Variants in MED24 observed in about 807,000 individuals in gnomAD.
The protein encoded by MED24 is mediator of RNA polymerase II transcription subunit 24.
In MED24, 74 loss-of-function variants were observed where a neutral mutation model predicts 118.8. The observed-to-expected ratio is 0.62, with a 90% CI of 0.52 to 0.76. MED24 has a LOEUF of 0.76. Ranked by LOEUF, MED24 falls within the 30% of genes least tolerant of loss-of-function variation. MED24 has a pLI of 0.00. For missense variants in MED24, 1,041 were observed against 1,278.9 expected (o/e 0.81, Z 2.84); for synonymous variants, 521 against 523.9 (o/e 0.99, Z 0.08).
At chr17:40,036,025 C>A (rs906436979) in intron 4 of MED24, 91 bp downstream of exon 4, 4 of 1,421,446 alleles carry the variant, frequency 2.8e-6, no homozygotes, top group Non-Finnish European at 4.0e-6. Context: ...TGCTGCCTAT[C>A]CAGCCTCACG....
Position 40,019,564 on chromosome 17 carries a change from G to A in MED24, c.2935C>T (p.Arg979Cys), listed in dbSNP as rs750745906. ...GCAATGGCTTTAGCAGCCACCTGGC[G>A]GCCCAGGGGCAGGCTGAGGTCCGTG... ...AITDLSLPLGRQVAAKAIAAL is the reference protein window; with the variant it reads ...AITDLSLPLGCQVAAKAIAAL The change falls in exon 26 of 26, where the codon CGC becomes TGC. Residue 979 changes from arginine to cysteine, a missense_variant. By Grantham distance (180) the Arg-to-Cys change is radical. Around this residue, in one of 3 missense-constraint regions of MED24, gnomAD observed 587 missense variants for 694.4 expected, o/e 0.85. Transcript: ENST00000394128. 1.1e-5 allele frequency: 17 copies of A among 1,612,486 alleles called. No homozygotes were observed. Among genetic ancestry groups the A allele is most frequent in the Admixed American group, 3.3e-5 (2 of 59,934 alleles).
At chr17:40,048,538 G>C (rs187369225) in intron 3 of MED24, among the ~76,000 whole-genome samples, 1 of 152,130 alleles carries the variant, frequency 6.6e-6, no homozygotes, top group East Asian at 1.9e-4. Context: ...GCAACAAAGA[G>C]ACCAGTTAAT....
In MED24 at chr17:40,026,916, T is replaced by C. The variant is rs767673387; in HGVS notation, c.1649A>G (p.Asp550Gly). The change falls in exon 17 of 26, where the codon GAC (aspartate) becomes GGC (glycine). Residue 550 changes from aspartate to glycine, a missense_variant. Physicochemically the swap from Asp to Gly is moderately conservative, Grantham distance 94. Coordinates refer to ENST00000394128, the MANE Select transcript of MED24 (RefSeq NM_014815.4). ...LNPDHPCFRP[D>G]STKVESLVAL... ...CACCAGGGACTCCACTTTGGTGGAG[T>C]CGGGGCGGAAGCAGGGGTGGTCAGG... 5.0e-6 allele frequency: 8 copies of C among 1,613,756 alleles called. No homozygotes were observed. The Admixed American group carries it at 1.3e-4, about 27-fold the overall frequency.
chr17:40,038,047 A>G (rs939386072), intron 3 of MED24, among the ~76,000 whole-genome samples: 1 of 152,254 alleles, frequency 6.6e-6, no homozygotes, highest in Non-Finnish European at 1.5e-5. Context: ...GTATACAATG[A>G]GAATCTCTAA....
intron 18 of MED24, 137 bp from the exon 19 acceptor site, chr17:40,026,468 G>A: frequency 1.6e-6 from 2 of 1,227,388 alleles, no homozygotes. Context: ...CCACAAGTTT[G>A]ATCTTCCCAG....
chr17:40,025,259 T>A lies in MED24; in HGVS notation c.1985+897A>T, dbSNP rs150349131. ...ACTTTGGGAGACCACGGTGAGAGGA[T>A]CACTCAAGGCCAGGAGTTCAAGACC... On this transcript the variant is annotated intron_variant, in intron 19 of 25. Coordinates refer to ENST00000394128, the MANE Select transcript of MED24 (RefSeq NM_014815.4). Among the ~76,000 whole-genome samples, 251 of 152,176 alleles carry A rather than the reference T, an allele frequency of 1.6e-3. 2 individuals carry two copies. The highest frequency in any genetic ancestry group is 3.4e-3 in the Middle Eastern group (1 of 294).
intron 13 of MED24, 125 bp downstream of exon 13, chr17:40,029,623 A>G (rs545446551): frequency 1.1e-6 from 1 of 894,456 alleles, no homozygotes; most frequent in Non-Finnish European, 1.7e-6. Flanking sequence ...ACTACCTCCA[A>G]AGCAACTATG....
rs530428998 is a variant in MED24 at position 40,019,264 on chromosome 17, C to G, written c.*265G>C. 6.1e-6 allele frequency: 3 copies of G among 490,180 alleles called. No individual in the cohort carries two copies. The Admixed American group carries it at 1.1e-4, about 18-fold the overall frequency. 30.4% of individuals were successfully genotyped at this position (490,180 alleles called of 1,614,324 possible). On this transcript the variant is annotated 3_prime_UTR_variant, in exon 26 of 26. Transcript: ENST00000394128. ...AAGACTACTCCTGGGCTGGGGCGGGCGCACACAGGGGTGACCACTGGGCTT... is the reference window on the plus strand; with the variant it reads ...AAGACTACTCCTGGGCTGGGGCGGGGGCACACAGGGGTGACCACTGGGCTT...
chr17:40,024,640 A>G (rs1982431924), intron 19 of MED24, among the ~76,000 whole-genome samples: 1 of 152,258 alleles, frequency 6.6e-6, no homozygotes, highest in Admixed American at 6.5e-5. Flanking sequence ...TCACAGCAGC[A>G]CTATTCACTA....
chr17:40,028,326 C>T (rs1178862836), intron 14 of MED24, among the ~76,000 whole-genome samples: 1 of 152,040 alleles, frequency 6.6e-6, no homozygotes, highest in East Asian at 1.9e-4. Flanking sequence ...GTTGGCCAGG[C>T]CGGTCTTGAA....
At chr17:40,037,543 A>C (rs1035169130) in intron 3 of MED24, among the ~76,000 whole-genome samples, 1 of 152,222 alleles carries the variant, frequency 6.6e-6, no homozygotes, top group African/African-American at 2.4e-5. Context: ...GTCTCAAAGT[A>C]GCTTCCAAAG....
In MED24 at chr17:40,035,910, A is replaced by G. The variant is rs540507023; in HGVS notation, c.253-115T>C. 12 of 1,156,928 alleles carry G rather than the reference A, an allele frequency of 1.0e-5. No individual in the cohort carries two copies. In the African/African-American group the frequency reaches 1.5e-4, roughly 15 times the overall value. 71.7% of individuals were successfully genotyped at this position (1,156,928 alleles called of 1,614,324 possible). A position where few individuals can be genotyped will look rare whatever the true frequency, so the allele number is the denominator to read the frequency against. ...CCTCTCTCCTCCAACCCTGGGTTCC[A>G]GACTCAGCATCCTCAACACTGGACA... On this transcript the variant is annotated intron_variant, in intron 4 of 25. Transcript: ENST00000394128.
At chr17:40,035,437 C>G (rs1598352555) in intron 5 of MED24, 88 bp from the exon 6 acceptor site, 3 of 1,351,110 alleles carry the variant, frequency 2.2e-6, no homozygotes, top group East Asian at 5.0e-5. Context: ...CCTGGCACTC[C>G]CCTACTAGGG....
chr17:40,050,730 T>C (rs1480848339), intron 3 of MED24, among the ~76,000 whole-genome samples: 1 of 151,812 alleles, frequency 6.6e-6, no homozygotes, highest in Non-Finnish European at 1.5e-5. Context: ...GGTGGGAAGG[T>C]GGGAGTGGGG....
chr17:40,043,891 A>G (rs1418653385), intron 3 of MED24, among the ~76,000 whole-genome samples: 1 of 123,660 alleles, frequency 8.1e-6, no homozygotes, highest in African/African-American at 3.9e-5. Context: ...ACTCCATCTC[A>G]AAAAAAAAAA....
chr17:40,028,488 G>A (rs535669762), intron 14 of MED24, among the ~76,000 whole-genome samples: 5 of 152,286 alleles, frequency 3.3e-5, no homozygotes, highest in African/African-American at 1.2e-4. Flanking sequence ...TTCTATATAT[G>A]TCAAATTCCA....
chr17:40,037,788 A>G (rs537588570), intron 3 of MED24, among the ~76,000 whole-genome samples: 6 of 151,806 alleles, frequency 4.0e-5, no homozygotes, highest in East Asian at 1.9e-4. Flanking sequence ...GCGGGTGCCT[A>G]TAGTCCCAGC....
At chr17:40,046,677 C>T (rs1051807937) in intron 3 of MED24, among the ~76,000 whole-genome samples, 21 of 150,612 alleles carry the variant, frequency 1.4e-4, no homozygotes, top group Admixed American at 1.3e-3. Context: ...ACCCGGGAGG[C>T]GGAGCTTGCA....
At position 40,019,765 on chromosome 17, in the gene MED24, G is replaced by T. The variant is rs753243075; in HGVS notation, c.2853+20C>A. On this transcript the variant is annotated intron_variant, in intron 25 of 25. Transcript: ENST00000394128. Reference sequence around the variant, plus strand: ...CCGAGGCCCCAGCACCAGCAGGAGAGCCGGGAAGGTGGTACTCACGGTGGT... The same window carrying T: ...CCGAGGCCCCAGCACCAGCAGGAGATCCGGGAAGGTGGTACTCACGGTGGT... 6.2e-7 allele frequency: 1 copy of T among 1,610,570 alleles called. No individual in the cohort carries two copies. Among genetic ancestry groups the T allele is most frequent in the Middle Eastern group, 1.7e-4 (1 of 6,052 alleles).
Sources: allele counts gnomAD v4.1 joint callset (sites outside exome capture counted in the v4.1 genomes callset), GRCh38; gene constraint gnomAD v4.1.1; regional missense constraint gnomAD v4.1.1; transcripts MANE v1.5; gene names NCBI Gene and HGNC (gene_info 2026-07-23, HGNC 2026-07-21).